The following PFKFB3 variants were observed in gnomAD, a reference collection of about 807,000 sequenced individuals.
PFKFB3 encodes 6-phosphofructo-2-kinase/fructose-2,6-bisphosphatase 3.
PFKFB3 carries 33 observed loss-of-function variants against 68.0 expected under a neutral mutation model. The observed-to-expected ratio is 0.49, with a 90% CI of 0.37 to 0.65. The LOEUF is 0.65. Among genes scored for constraint, PFKFB3 ranks in the 30% least tolerant of loss-of-function variants. The probability of loss-of-function intolerance (pLI) is 0.00; values close to 1 mark genes in which losing one functional copy is unlikely to be tolerated. For missense variants in PFKFB3, 586 were observed against 712.2 expected, an observed-to-expected ratio of 0.82 and a Z score of 2.02; for synonymous variants, 315 against 288.2, an observed-to-expected ratio of 1.09 and a Z score of -0.94.
chr10:6,152,931 G>C (rs1056858448), intron 1 of PFKFB3, among the ~76,000 whole-genome samples: 2 of 152,120 alleles, frequency 1.3e-5, no homozygotes, highest in African/African-American at 4.8e-5. Flanking sequence ...TGTAATCCCA[G>C]CACTTTGGGA....
At chr10:6,167,071 C>T (rs1180783492) in intron 1 of PFKFB3, among the ~76,000 whole-genome samples, 3 of 152,158 alleles carry the variant, frequency 2.0e-5, no homozygotes, top group African/African-American at 4.8e-5. Flanking sequence ...GGGCCCGCCT[C>T]GGCCTCCCAA....
intron 1 of PFKFB3, among the ~76,000 whole-genome samples, chr10:6,183,607 A>AC (rs1481468634): frequency 2.3e-4 from 14 of 61,740 alleles, no homozygotes; most frequent in Middle Eastern, 0.013. Context: ...TGGTCAAAAA[A>AC]AAAAAAAATA....
chr10:6,181,131 C>T (rs1355463326), intron 1 of PFKFB3, among the ~76,000 whole-genome samples: 4 of 152,204 alleles, frequency 2.6e-5, no homozygotes, highest in Non-Finnish European at 4.4e-5. Flanking sequence ...CGCCCCACCT[C>T]AGCCTCCCAA....
chr10:6,262,922 G>C, the PFKFB3 span, among the ~76,000 whole-genome samples: 1 of 152,152 alleles, frequency 6.6e-6, no homozygotes, highest in Non-Finnish European at 1.5e-5. Context: ...TTGGTTCCAG[G>C]GGAGTTGAAA....
chr10:6,236,675 G>A (rs1846019321), downstream of PFKFB3, among the ~76,000 whole-genome samples: 1 of 152,238 alleles, frequency 6.6e-6, no homozygotes, highest in Non-Finnish European at 1.5e-5. Context: ...TGTGTCAGGT[G>A]CAGGGATGGA....
chr10:6,285,092 G>T, the PFKFB3 span, among the ~76,000 whole-genome samples: 1 of 152,132 alleles, frequency 6.6e-6, no homozygotes, highest in African/African-American at 2.4e-5. Flanking sequence ...GTTCTTTGGG[G>T]TATGAATCTA....
chr10:6,326,588 C>G, the PFKFB3 span: 1 of 454,558 alleles, frequency 2.2e-6, no homozygotes, highest in Non-Finnish European at 4.4e-6. Context: ...ACTCTCCTCC[C>G]TGCTCCGTTG....
At chr10:6,247,254 T>C (rs188861873) in intron 14 of PFKFB3, among the ~76,000 whole-genome samples, 92 of 152,284 alleles carry the variant, frequency 6.0e-4, no homozygotes, top group African/African-American at 2.1e-3. Context: ...CATTGTCAGC[T>C]AAATGAAATA....
In PFKFB3 at chr10:6,153,580, G is replaced by A. The variant is rs570357491; in HGVS notation, c.16+8567G>A. Among the ~76,000 whole-genome samples the A allele has an allele frequency of 5.5e-4, 84 of 152,158 alleles. 1 individual carries two copies. Among genetic ancestry groups the A allele is most frequent in the Admixed American group, 3.6e-3 (55 of 15,286 alleles). ...GAAAGAGGAGGGGGAGGGGCTGGGC[G>A]AGGTGGCTCACACCTCTAATCCCAG... On this transcript the variant is annotated intron_variant, in intron 1 of 14. Transcript: ENST00000379789.
the PFKFB3 span, among the ~76,000 whole-genome samples, chr10:6,268,641 T>C: frequency 2.0e-5 from 3 of 150,482 alleles, no homozygotes. Flanking sequence ...AATAAATAAA[T>C]AGAAATTATA....
intron 1 of PFKFB3, among the ~76,000 whole-genome samples, chr10:6,206,400 CCT>C (rs2131880865): frequency 7.6e-6 from 1 of 130,858 alleles, no homozygotes; most frequent in East Asian, 2.2e-4. Context: ...TTTCCCCGCC[CCT>C]TTCCCCCCTT....
At chr10:6,146,200 C>T (rs1267956481) in intron 1 of PFKFB3, 29 of 1,418,276 alleles carry the variant, frequency 2.0e-5, no homozygotes, top group African/African-American at 4.3e-5. Flanking sequence ...TCTCCCTTCC[C>T]GCACCCACCC....
chr10:6,288,773 C>T, the PFKFB3 span, among the ~76,000 whole-genome samples: 9 of 152,176 alleles, frequency 5.9e-5, no homozygotes, highest in African/African-American at 1.7e-4. Context: ...CTTGCAGAAT[C>T]GCCACACTGT....
chr10:6,284,390 T>G, the PFKFB3 span, among the ~76,000 whole-genome samples: 1 of 152,236 alleles, frequency 6.6e-6, no homozygotes, highest in Non-Finnish European at 1.5e-5. Flanking sequence ...TTAAAAATTG[T>G]TATGTCTTCT....
downstream of PFKFB3, among the ~76,000 whole-genome samples, chr10:6,257,446 T>A (rs1846503580): frequency 6.6e-6 from 1 of 152,172 alleles, no homozygotes; most frequent in South Asian, 2.1e-4. Flanking sequence ...ATGTTTACAT[T>A]CTTATTTTTA....
At position 6,220,942 on chromosome 10, in the gene PFKFB3, G is replaced by GTGCTGCTGCTGCTGCTGC. The variant is rs3084010; in HGVS notation, c.831+88_831+105dup. The GTGCTGCTGCTGCTGCTGC allele has an allele frequency of 9.0e-6, 8 of 887,020 alleles. No individual in the cohort carries two copies. Among genetic ancestry groups the GTGCTGCTGCTGCTGCTGC allele is most frequent in the Admixed American group, 3.7e-5 (2 of 54,030 alleles). The allele number at this position is 887,020 out of a possible 1,614,324, so 54.9% of individuals were successfully genotyped here. ...GTCTATAGGGTGGGTGGGGAGCTGT[G>GTGCTGCTGCTGCTGCTGC]TGCTGCTGCTGCTGCTGCTGCTGCT... On this transcript the variant is annotated intron_variant, in intron 8 of 14. Coordinates refer to ENST00000379775, the MANE Select transcript of PFKFB3 (RefSeq NM_004566.4). The surrounding 1 kb of genome is among the most constrained non-coding windows in gnomAD (Gnocchi z 4.1).
the PFKFB3 span, among the ~76,000 whole-genome samples, chr10:6,267,745 A>C: frequency 6.6e-6 from 1 of 151,998 alleles, no homozygotes; most frequent in Admixed American, 6.6e-5. Context: ...ACCTGAAGTC[A>C]GGAGTTCGAG....
At chr10:6,226,971 A>G (rs549897172) in intron 14 of PFKFB3, among the ~76,000 whole-genome samples, 74 of 152,264 alleles carry the variant, frequency 4.9e-4, no homozygotes, top group African/African-American at 1.8e-3. Flanking sequence ...CTGTAATCCC[A>G]GCTTCTCAGG....
rs1193101020 is a variant in PFKFB3 at position 6,220,369 on chromosome 10, C to T, written c.624-289C>T. ...CCTCTTGCCTCGGCCTCCCAAAGTG[C>T]TGGGATTACAGGCATGAGCCACTGC... On this transcript the variant is annotated intron_variant, in intron 7 of 14. Transcript: ENST00000379775. This position sits in a 1 kb window ranked among gnomAD's most constrained non-coding sequence, Gnocchi z 4.1. 6.6e-6 allele frequency among the ~76,000 whole-genome samples: 1 copy of T among 152,190 alleles called. No individual in the cohort carries two copies. Among genetic ancestry groups the T allele is most frequent in the African/African-American group, 2.4e-5 (1 of 41,430 alleles).
Sources: gnomAD v4.1 joint callset for allele counts (sites outside exome capture counted in the v4.1 genomes callset) on GRCh38, gnomAD v4.1.1 for gene constraint, Gnocchi (gnomAD v3.1) non-coding constraint, MANE v1.5 for transcripts, NCBI Gene and HGNC (gene_info 2026-07-23, HGNC 2026-07-21) for gene names.